The following ROBO1 variants were observed in gnomAD, a reference collection of about 807,000 sequenced individuals.
The protein encoded by ROBO1 is roundabout guidance receptor 1.
Under a neutral mutation model 195.9 loss-of-function variants are expected in ROBO1, and 149 were observed. The observed-to-expected ratio is 0.76, with a 90% confidence interval of 0.67 to 0.87. ROBO1 has a LOEUF of 0.87. ROBO1 is among the 40% of genes least tolerant of loss of function. The pLI is 0.00. For missense variants in ROBO1, 1,933 were observed against 2,068.3 expected (o/e 0.93, Z 1.27); for synonymous variants, 816 against 733.2 (o/e 1.11, Z -1.82).
intron 2 of ROBO1, among the ~76,000 whole-genome samples, chr3:79,342,371 G>C (rs1031784984): frequency 6.6e-6 from 1 of 152,266 alleles, no homozygotes; most frequent in East Asian, 1.9e-4. Context: ...GAATAAGTCT[G>C]AAGTTATAGA....
intron 1 of ROBO1, among the ~76,000 whole-genome samples, chr3:79,619,305 C>A (rs1161782415): frequency 1.3e-5 from 2 of 152,160 alleles, no homozygotes. Flanking sequence ...AAACTTACCT[C>A]CCTCACTATG....
At chr3:79,156,807 G>A (rs1237776533) in intron 2 of ROBO1, among the ~76,000 whole-genome samples, 1 of 151,784 alleles carries the variant, frequency 6.6e-6, no homozygotes, top group East Asian at 1.9e-4. Flanking sequence ...GATAAATAAG[G>A]AAAGTAAACT....
intron 2 of ROBO1, among the ~76,000 whole-genome samples, chr3:79,354,682 C>T (rs74758213): frequency 6.6e-6 from 1 of 152,152 alleles, no homozygotes; most frequent in East Asian, 1.9e-4. Flanking sequence ...TTTCCTCCTG[C>T]GTCTATTTTG....
intron 1 of ROBO1, among the ~76,000 whole-genome samples, chr3:79,611,275 G>A (rs1188069576): frequency 6.6e-6 from 1 of 151,912 alleles, no homozygotes; most frequent in African/African-American, 2.4e-5. Context: ...TGTACAAATA[G>A]CATACAAATC....
intron 2 of ROBO1, among the ~76,000 whole-genome samples, chr3:79,558,291 C>T (rs186618706): frequency 4.2e-4 from 64 of 152,186 alleles, no homozygotes; most frequent in African/African-American, 1.3e-3. Context: ...GTCTACTCAA[C>T]GTAAAGACGA....
intron 5 of ROBO1, among the ~76,000 whole-genome samples, chr3:78,730,660 T>G (rs1379594750): frequency 9.2e-5 from 14 of 152,076 alleles, no homozygotes; most frequent in Non-Finnish European, 1.5e-5. Flanking sequence ...GGGTAAGAGA[T>G]TCAATATCCA....
intron 4 of ROBO1, among the ~76,000 whole-genome samples, chr3:78,817,380 T>A (rs2030172861): frequency 6.6e-6 from 1 of 152,128 alleles, no homozygotes; most frequent in Admixed American, 6.6e-5. Context: ...GAACACATGA[T>A]GACAGTATAG....
intron 2 of ROBO1, among the ~76,000 whole-genome samples, chr3:79,291,120 C>T (rs186010381): frequency 1.4e-4 from 22 of 152,284 alleles, no homozygotes; most frequent in Non-Finnish European, 2.8e-4. Context: ...ATATTGATAA[C>T]TATTTTAATC....
intron 21 of ROBO1, among the ~76,000 whole-genome samples, chr3:78,645,780 A>G (rs1995693): frequency 0.86 from 131,010 of 152,066 alleles, 57,349 homozygotes; most frequent in Non-Finnish European, 0.93. Context: ...TGCTGTGTTC[A>G]GCAGGTTTTT....
chr3:79,431,297 C>T (rs1043650577), intron 2 of ROBO1, among the ~76,000 whole-genome samples: 1 of 152,034 alleles, frequency 6.6e-6, no homozygotes, highest in African/African-American at 2.4e-5. Flanking sequence ...TGGTTATAAT[C>T]CCATTATAAT....
intron 2 of ROBO1, among the ~76,000 whole-genome samples, chr3:79,375,598 G>T (rs1007534509): frequency 3.3e-5 from 5 of 152,192 alleles, no homozygotes; most frequent in Non-Finnish European, 5.9e-5. Flanking sequence ...CCCAGCCAAG[G>T]TTGCATTTCA....
At chr3:78,976,267 T>C (rs538490062) in intron 3 of ROBO1, among the ~76,000 whole-genome samples, 1 of 152,308 alleles carries the variant, frequency 6.6e-6, no homozygotes, top group African/African-American at 2.4e-5. Flanking sequence ...CTCAGGGTCA[T>C]CCTGCATCCC....
chr3:79,713,198 A>G (rs1480904836), intron 1 of ROBO1, among the ~76,000 whole-genome samples: 1 of 152,046 alleles, frequency 6.6e-6, no homozygotes, highest in Non-Finnish European at 1.5e-5. Flanking sequence ...GGAAATGTAC[A>G]AGGAGATTAA....
chr3:79,269,940 G>A (rs1474020826), intron 2 of ROBO1, among the ~76,000 whole-genome samples: 1 of 151,780 alleles, frequency 6.6e-6, no homozygotes, highest in Non-Finnish European at 1.5e-5. Context: ...TACTGAAATA[G>A]ATGTATCCAA....
chr3:79,222,369 G>A (rs1234400927), intron 2 of ROBO1, among the ~76,000 whole-genome samples: 1 of 151,694 alleles, frequency 6.6e-6, no homozygotes, highest in Non-Finnish European at 1.5e-5. Flanking sequence ...TTATATTTTT[G>A]CCAATTAGTA....
chr3:79,171,507 A>T (rs992694192), intron 2 of ROBO1, among the ~76,000 whole-genome samples: 2 of 151,540 alleles, frequency 1.3e-5, no homozygotes, highest in South Asian at 4.1e-4. Context: ...GAAAATATTT[A>T]TAAAACAGAT....
intron 2 of ROBO1, among the ~76,000 whole-genome samples, chr3:79,403,883 C>T (rs1187595217): frequency 6.6e-6 from 1 of 151,814 alleles, no homozygotes; most frequent in Non-Finnish European, 1.5e-5. Flanking sequence ...CATTTGGAGC[C>T]ATCTCTCTGT....
At chr3:78,814,494 T>A (rs574965616) in intron 4 of ROBO1, among the ~76,000 whole-genome samples, 1 of 151,982 alleles carries the variant, frequency 6.6e-6, no homozygotes, top group Non-Finnish European at 1.5e-5. Flanking sequence ...GTCTACCTTA[T>A]TGATGACATA....
chr3:79,396,182 T>C (rs1021065707), intron 2 of ROBO1, among the ~76,000 whole-genome samples: 1 of 152,132 alleles, frequency 6.6e-6, no homozygotes, highest in African/African-American at 2.4e-5. Flanking sequence ...AACAGCAGTA[T>C]GGTGTTTAAA....
Sources: gnomAD v4.1 joint callset for allele counts (sites outside exome capture counted in the v4.1 genomes callset) on GRCh38, gnomAD v4.1.1 for gene constraint, MANE v1.5 for transcripts, NCBI Gene and HGNC (gene_info 2026-07-23, HGNC 2026-07-21) for gene names.